MAEA: variants seen among roughly 807,000 people sequenced by gnomAD.
MAEA encodes the protein macrophage erythroblast attacher, E3 ubiquitin ligase.
A neutral mutation model predicts 46.2 loss-of-function variants in MAEA; 22 were observed. The ratio of observed to expected loss-of-function variants is 0.48; its 90% CI spans 0.34 to 0.68. The LOEUF is 0.68. MAEA is among the 30% of genes least tolerant of loss of function. MAEA has a pLI of 0.01. For missense variants in MAEA, 393 were observed against 558.1 expected (o/e 0.70, Z 2.98); for synonymous variants, 246 against 222.6 (o/e 1.11, Z -0.94).
Position 1,332,944 on chromosome 4 carries a change from C to T in MAEA, c.765+79C>T, listed in dbSNP as rs544105050. 3.6e-6 allele frequency: 4 copies of T among 1,106,008 alleles called. No homozygotes were observed. The Admixed American group carries it at 9.4e-5, about 26-fold the overall frequency. 68.5% of individuals were successfully genotyped at this position (1,106,008 alleles called of 1,614,324 possible). A position where few individuals can be genotyped will look rare whatever the true frequency, so the allele number is the denominator to read the frequency against. ...TGTCTCTGGTCTGTAGCTGCTTCCA[C>T]ACGTGGGGCGGGACGTGAGGGCCCC... On this transcript the variant is annotated intron_variant, in intron 6 of 8. Transcript: ENST00000303400.
At chr4:1,336,823 G>A (rs772858352) in intron 6 of MAEA, 38 bp from the exon 7 acceptor site, 3 of 1,598,194 alleles carry the variant, frequency 1.9e-6, no homozygotes, top group East Asian at 4.5e-5. Context: ...GAGCTTCCCT[G>A]GGAGCATCCC....
At chr4:1,337,188 A>G in intron 7 of MAEA, 194 bp downstream of exon 7, 1 of 627,512 alleles carries the variant, frequency 1.6e-6, no homozygotes, top group Non-Finnish European at 2.7e-6. Flanking sequence ...TGCGTCGTGC[A>G]GCCTTCACTC....
chr4:1,299,207 A>G lies in MAEA; in HGVS notation c.69+9225A>G, dbSNP rs572839149. On this transcript the variant is annotated intron_variant, in intron 1 of 8. Transcript: ENST00000303400. Reference sequence around the variant, plus strand: ...TGGCATATTTAGATCTGAGCTTATCATCTTAACACCTGCTGCCCAAACCAA... The same window carrying G: ...TGGCATATTTAGATCTGAGCTTATCGTCTTAACACCTGCTGCCCAAACCAA... Among the ~76,000 whole-genome samples the G allele has an allele frequency of 1.2e-3, 184 of 152,270 alleles. 2 individuals carry two copies. Among genetic ancestry groups the G allele is most frequent in the Middle Eastern group, 6.8e-3 (2 of 294 alleles).
At chr4:1,330,166 A>C (rs1004099744) in intron 5 of MAEA, 1 of 984,474 alleles carries the variant, frequency 1.0e-6, no homozygotes. Flanking sequence ...ATTTTTAGTA[A>C]ATGAGTAAGT....
intron 2 of MAEA, among the ~76,000 whole-genome samples, chr4:1,313,419 C>T (rs1363970001): frequency 6.6e-6 from 1 of 152,162 alleles, no homozygotes; most frequent in Non-Finnish European, 1.5e-5. Context: ...CCAGGTGCCA[C>T]ACCTTACTGT....
chr4:1,327,408 C>G (rs1000019708), intron 4 of MAEA, among the ~76,000 whole-genome samples: 1 of 152,238 alleles, frequency 6.6e-6, no homozygotes, highest in Non-Finnish European at 1.5e-5. Context: ...GCTGCAGGAG[C>G]AGGGGGCGGG....
intron 5 of MAEA, chr4:1,332,464 C>G (rs1350533633): frequency 3.3e-6 from 1 of 305,882 alleles, no homozygotes; most frequent in Non-Finnish European, 6.3e-6. Context: ...CCTATAATCC[C>G]AGCACTTTGG....
chr4:1,309,805 G>T, intron 1 of MAEA: 1 of 1,398,238 alleles, frequency 7.2e-7, no homozygotes, highest in Non-Finnish European at 9.4e-7. Flanking sequence ...GGAGCAAAGG[G>T]TTCCTGTCTG....
rs1186641133 is a variant in MAEA at position 1,311,128 on chromosome 4, C to T, written c.70-851C>T. 4.6e-5 allele frequency among the ~76,000 whole-genome samples: 7 copies of T among 152,202 alleles called. No individual in the cohort carries two copies. Among genetic ancestry groups the T allele is most frequent in the Non-Finnish European group, 7.3e-5 (5 of 68,036 alleles). On this transcript the variant is annotated intron_variant, in intron 1 of 8. Transcript: ENST00000303400. The surrounding 1 kb of genome is among the most constrained non-coding windows in gnomAD (Gnocchi z 4.4). ...TGGAGCGCTTGTTCTGGCACAGCTG[C>T]GACGGCAGAGTTGGGCCCACTGCTC...
rs1262417905 is a variant in MAEA at position 1,311,441 on chromosome 4, G to A, written c.70-538G>A. 1.3e-5 allele frequency among the ~76,000 whole-genome samples: 2 copies of A among 152,232 alleles called. No homozygotes were observed. Among genetic ancestry groups the A allele is most frequent in the Non-Finnish European group, 2.9e-5 (2 of 68,042 alleles). On this transcript the variant is annotated intron_variant, in intron 1 of 8. Coordinates refer to ENST00000303400, the MANE Select transcript of MAEA (RefSeq NM_001017405.3). The surrounding 1 kb of genome is among the most constrained non-coding windows in gnomAD (Gnocchi z 4.4). ...TGGATGGTTCTTACGACTGGGGAAG[G>A]CAAACGCTGTCACACAGGAGAGGTG...
intron 2 of MAEA, 77 bp downstream of exon 2, chr4:1,312,238 G>A (rs755406052): frequency 6.4e-7 from 1 of 1,558,106 alleles, no homozygotes. Flanking sequence ...TCCTAAGACA[G>A]GCAAGCTGCA....
chr4:1,306,069 C>T (rs1003258376), intron 1 of MAEA, among the ~76,000 whole-genome samples: 4 of 152,186 alleles, frequency 2.6e-5, no homozygotes, highest in African/African-American at 9.6e-5. Context: ...TGGGCAGGGC[C>T]CCTCCCCAAC....
intron 8 of MAEA, 192 bp downstream of exon 8, chr4:1,338,809 C>T (rs1220462082): frequency 1.2e-5 from 8 of 692,426 alleles, no homozygotes; most frequent in Non-Finnish European, 1.9e-5. Flanking sequence ...GCGGGCAGGG[C>T]AGCGGGGCCA....
chr4:1,326,130 G>T (rs1738785121), intron 4 of MAEA, among the ~76,000 whole-genome samples: 1 of 152,236 alleles, frequency 6.6e-6, no homozygotes, highest in Non-Finnish European at 1.5e-5. Flanking sequence ...GGGCAGCAAG[G>T]CTGGCAGGCG....
chr4:1,308,487 G>A (rs1577159058), intron 1 of MAEA, among the ~76,000 whole-genome samples: 1 of 152,144 alleles, frequency 6.6e-6, no homozygotes. Flanking sequence ...TGTGCCTAAC[G>A]TTCTGAGGAA....
At chr4:1,309,633 G>A (rs1418683495) in intron 1 of MAEA, 3 of 1,529,866 alleles carry the variant, frequency 2.0e-6, no homozygotes, top group Non-Finnish European at 2.6e-6. Flanking sequence ...GAGGCCTGAG[G>A]AGTAAGCGGC....
chr4:1,325,079 C>T (rs907555956), intron 4 of MAEA, among the ~76,000 whole-genome samples: 6 of 152,290 alleles, frequency 3.9e-5, no homozygotes, highest in East Asian at 3.9e-4. Context: ...TTGGGGTACA[C>T]GGCTGTCTGT....
chr4:1,297,873 CT>C (rs1186532613), intron 1 of MAEA: 1 of 410,278 alleles, frequency 2.4e-6, no homozygotes, highest in Non-Finnish European at 5.0e-6. Flanking sequence ...TGTGGTCAGC[CT>C]CTTGCGTTTC....
At chr4:1,320,118 G>A (rs949369165) in intron 3 of MAEA, among the ~76,000 whole-genome samples, 8 of 146,682 alleles carry the variant, frequency 5.5e-5, no homozygotes, top group East Asian at 2.1e-4. Flanking sequence ...GCAAGAAAAC[G>A]CTATGAAGGG....
Sources: allele counts gnomAD v4.1 joint callset (sites outside exome capture counted in the v4.1 genomes callset), GRCh38; gene constraint gnomAD v4.1.1; non-coding constraint Gnocchi (gnomAD v3.1); transcripts MANE v1.5; gene names NCBI Gene and HGNC (gene_info 2026-07-23, HGNC 2026-07-21).